GRM5: variants seen among roughly 807,000 people sequenced by gnomAD.
GRM5 encodes glutamate metabotropic receptor 5.
A neutral mutation model predicts 83.1 loss-of-function variants in GRM5; 19 were observed. The observed-to-expected ratio is 0.23, with a 90% CI of 0.16 to 0.34. The LOEUF is 0.34. GRM5 is among the 10% of genes least tolerant of loss of function. The probability of loss-of-function intolerance (pLI) is 1.00; values close to 1 mark genes in which losing one functional copy is unlikely to be tolerated. For missense variants in GRM5, 1,160 were observed against 1,588.3 expected (o/e 0.73, Z 4.58); for synonymous variants, 675 against 633.6 (o/e 1.07, Z -0.98).
chr11:88,609,438 T>G (rs1219814186), intron 4 of GRM5, among the ~76,000 whole-genome samples: 2 of 152,180 alleles, frequency 1.3e-5, no homozygotes, highest in Non-Finnish European at 2.9e-5. Context: ...CTTGGTTGAT[T>G]ACATGTATTT....
intron 2 of GRM5, among the ~76,000 whole-genome samples, chr11:88,875,642 T>C (rs1463901961): frequency 6.6e-6 from 1 of 152,084 alleles, no homozygotes; most frequent in Admixed American, 6.6e-5. Context: ...CATTATGAAA[T>C]ATATTTCTGA....
rs753888093 is a variant in GRM5, at chr11:88,567,387, C to T, written c.2296G>A (p.Ala766Thr). The T allele has an allele frequency of 1.4e-5, 23 of 1,614,000 alleles. 1 individual carries two copies. The highest frequency in any genetic ancestry group is 8.5e-7 in the Non-Finnish European group (1 of 1,179,980). Residue 766 changes from alanine to threonine, a missense_variant, in exon 8 of 10, where the codon GCT becomes ACT. This residue lies in a region of GRM5 where 66 missense variants were observed against 138.6 expected (regional missense o/e 0.48). Coordinates refer to ENST00000305447, the MANE Select transcript of GRM5 (RefSeq NM_001143831.3). This position sits in a 1 kb window ranked among gnomAD's most constrained non-coding sequence, Gnocchi z 7.3. ...ATATACTTGGCCTCGTTGAAGTTAGCTGGAACATTTCTGGTCTTGAACGCA... is the reference window on the plus strand; with the variant it reads ...ATATACTTGGCCTCGTTGAAGTTAGTTGGAACATTTCTGGTCTTGAACGCA... Reference protein sequence around the residue: ...FYAFKTRNVPANFNEAKYIAF... With the variant: ...FYAFKTRNVPTNFNEAKYIAF...
intron 7 of GRM5, among the ~76,000 whole-genome samples, chr11:88,568,917 A>T (rs1942928169): frequency 6.6e-6 from 1 of 152,220 alleles, no homozygotes; most frequent in Admixed American, 6.5e-5. Context: ...CACCACTCTC[A>T]AAATCGTTCC....
intron 2 of GRM5, among the ~76,000 whole-genome samples, chr11:88,881,358 C>T (rs1169072544): frequency 6.7e-6 from 1 of 150,198 alleles, no homozygotes; most frequent in Non-Finnish European, 1.5e-5. Context: ...ATTTCTTCAA[C>T]TATGATGATC....
chr11:88,589,670 C>G (rs1201460000), intron 7 of GRM5, among the ~76,000 whole-genome samples: 4 of 152,178 alleles, frequency 2.6e-5, no homozygotes, highest in Non-Finnish European at 5.9e-5. Flanking sequence ...TGACATACCA[C>G]ATGGAGGGCT....
At chr11:89,019,571 G>C (rs1232468903) in intron 2 of GRM5, among the ~76,000 whole-genome samples, 1 of 151,808 alleles carries the variant, frequency 6.6e-6, no homozygotes, top group Admixed American at 6.6e-5. Context: ...TGGTCGTGGT[G>C]GTGGGTGCCT....
chr11:88,629,632 C>T (rs562592826), intron 4 of GRM5, among the ~76,000 whole-genome samples: 21 of 152,264 alleles, frequency 1.4e-4, no homozygotes, highest in South Asian at 1.2e-3. Context: ...ATACCACACT[C>T]GCTTACCCAC....
At chr11:88,584,462 C>A (rs1943273928) in intron 7 of GRM5, among the ~76,000 whole-genome samples, 1 of 151,986 alleles carries the variant, frequency 6.6e-6, no homozygotes, top group Non-Finnish European at 1.5e-5. Context: ...GAGATGGAGT[C>A]TTGCTCTGTC....
chr11:88,949,191 G>T (rs1938376408), intron 2 of GRM5, among the ~76,000 whole-genome samples: 2 of 152,216 alleles, frequency 1.3e-5, no homozygotes, highest in Admixed American at 6.5e-5. Flanking sequence ...CCTGATTTTA[G>T]TCCAGGTGTT....
intron 2 of GRM5, among the ~76,000 whole-genome samples, chr11:89,020,051 C>T (rs1368391728): frequency 6.6e-6 from 1 of 152,204 alleles, no homozygotes; most frequent in African/African-American, 2.4e-5. Context: ...ATGGTTTATG[C>T]AAGGTCAGGG....
intron 2 of GRM5, among the ~76,000 whole-genome samples, chr11:88,877,950 A>C (rs1944887251): frequency 6.6e-6 from 1 of 152,172 alleles, no homozygotes; most frequent in African/African-American, 2.4e-5. Context: ...GCACATGTAT[A>C]CATATGTAAC....
chr11:88,553,766 T>C (rs1002226784), intron 8 of GRM5, among the ~76,000 whole-genome samples: 1 of 152,168 alleles, frequency 6.6e-6, no homozygotes, highest in African/African-American at 2.4e-5. Context: ...TTGTCCTCAA[T>C]GATCTCTGGT....
At chr11:88,812,267 C>T (rs1943601199) in intron 3 of GRM5, among the ~76,000 whole-genome samples, 1 of 146,490 alleles carries the variant, frequency 6.8e-6, no homozygotes, top group Non-Finnish European at 1.5e-5. Flanking sequence ...TGATGAGGCT[C>T]TGAAGAGGCC....
intron 4 of GRM5, among the ~76,000 whole-genome samples, chr11:88,612,217 G>A (rs1294217366): frequency 6.8e-6 from 1 of 146,998 alleles, no homozygotes; most frequent in Non-Finnish European, 1.5e-5. Flanking sequence ...AATATGTGGT[G>A]TTTGGTTTTT....
chr11:88,733,385 GTT>G (rs930341629), intron 3 of GRM5, among the ~76,000 whole-genome samples: 8 of 151,962 alleles, frequency 5.3e-5, no homozygotes, highest in African/African-American at 1.9e-4. Flanking sequence ...AATTTTTCAA[GTT>G]TATATATATA....
At position 89,002,711 on chromosome 11, in the gene GRM5, T is replaced by C. The variant is rs1165441890; in HGVS notation, c.661+44501A>G. Among the ~76,000 whole-genome samples, 5 of 152,274 alleles carry C rather than the reference T, an allele frequency of 3.3e-5. No individual in the cohort carries two copies. In the South Asian group the frequency reaches 1.0e-3, roughly 32 times the overall value. On this transcript the variant is annotated intron_variant, in intron 2 of 9. Transcript: ENST00000305447. ...ATATTCTCCTGTATTTTCACTTGTG[T>C]ATTTTAACATAAATCAGAGAACCTC... is the stretch of plus-strand genomic sequence containing the variant.
intron 3 of GRM5, among the ~76,000 whole-genome samples, chr11:88,779,070 A>G (rs1236138187): frequency 6.6e-6 from 1 of 152,234 alleles, no homozygotes; most frequent in East Asian, 1.9e-4. Context: ...TCTTTTATAG[A>G]TGAAGAACCT....
chr11:88,838,354 A>C (rs1320302320), intron 3 of GRM5, among the ~76,000 whole-genome samples: 1 of 152,016 alleles, frequency 6.6e-6, no homozygotes, highest in African/African-American at 2.4e-5. Flanking sequence ...GTGAAACTGG[A>C]GAAGGGGTTA....
At chr11:88,834,393 C>T (rs1191875321) in intron 3 of GRM5, among the ~76,000 whole-genome samples, 2 of 152,092 alleles carry the variant, frequency 1.3e-5, no homozygotes, top group Non-Finnish European at 2.9e-5. Flanking sequence ...CATCTTGAAG[C>T]ATAAAGACTT....
Sources: gnomAD v4.1 joint callset for allele counts (sites outside exome capture counted in the v4.1 genomes callset) on GRCh38, gnomAD v4.1.1 for gene constraint, gnomAD v4.1.1 regional missense constraint, Gnocchi (gnomAD v3.1) non-coding constraint, MANE v1.5 for transcripts, NCBI Gene and HGNC (gene_info 2026-07-23, HGNC 2026-07-21) for gene names.